MCC: variants seen among roughly 807,000 people sequenced by gnomAD.
MCC encodes MCC regulator of Wnt signaling pathway, also known as colorectal mutant cancer protein.
Under a neutral mutation model 116.2 loss-of-function variants are expected in MCC, and 90 were observed. That is an observed-to-expected ratio of 0.77 (90% CI 0.65 to 0.92). MCC has a LOEUF of 0.92. Ranked by LOEUF, MCC falls within the 40% of genes least tolerant of loss-of-function variation. The probability of loss-of-function intolerance (pLI) is 0.00; values close to 1 mark genes in which losing one functional copy is unlikely to be tolerated. For synonymous variants in MCC, 578 were observed against 510.5 expected, an observed-to-expected ratio of 1.13 and a Z score of -1.78; for missense variants, 1,516 against 1,312.2, an observed-to-expected ratio of 1.16 and a Z score of -2.40.
chr5:113,130,494 G>T (rs1470267311), intron 5 of MCC, among the ~76,000 whole-genome samples: 2 of 152,056 alleles, frequency 1.3e-5, no homozygotes, highest in African/African-American at 4.8e-5. Flanking sequence ...ATGAAAAAAA[G>T]GCAATATACC....
intron 2 of MCC, among the ~76,000 whole-genome samples, chr5:113,365,965 C>T (rs1472886131): frequency 6.6e-6 from 1 of 152,180 alleles, no homozygotes; most frequent in Non-Finnish European, 1.5e-5. Flanking sequence ...TCCCACCAGG[C>T]CCCACCTCCA....
chr5:113,052,597 A>T (rs1752556435), intron 15 of MCC, among the ~76,000 whole-genome samples: 1 of 152,194 alleles, frequency 6.6e-6, no homozygotes, highest in African/African-American at 2.4e-5. Context: ...TGAGGGTGTC[A>T]GGATGGCTGC....
At chr5:113,066,966 A>G (rs573653206) in intron 13 of MCC, among the ~76,000 whole-genome samples, 80 of 152,300 alleles carry the variant, frequency 5.3e-4, no homozygotes, top group African/African-American at 1.8e-3. Context: ...TTAGTTCTGC[A>G]TGGAGAGACG....
chr5:113,158,207 G>T (rs1227514204), intron 3 of MCC, among the ~76,000 whole-genome samples: 1 of 152,202 alleles, frequency 6.6e-6, no homozygotes, highest in Admixed American at 6.5e-5. Context: ...GGGTAAGGGG[G>T]GACTACTGTA....
intron 3 of MCC, among the ~76,000 whole-genome samples, chr5:113,191,876 T>C (rs1163813091): frequency 2.0e-5 from 3 of 152,188 alleles, no homozygotes; most frequent in African/African-American, 4.8e-5. Context: ...TGGGACAATG[T>C]TGGACTTTAA....
intron 3 of MCC, among the ~76,000 whole-genome samples, chr5:113,252,241 C>A (rs1317454871): frequency 1.3e-5 from 2 of 152,156 alleles, no homozygotes; most frequent in Admixed American, 6.5e-5. Context: ...GGTCCCCAGC[C>A]CCCGGGCCCA....
At chr5:113,364,577 A>C (rs1312963192) in intron 2 of MCC, among the ~76,000 whole-genome samples, 2 of 152,196 alleles carry the variant, frequency 1.3e-5, no homozygotes, top group East Asian at 3.9e-4. Flanking sequence ...GCTCCACTAG[A>C]CAGTGCCCCA....
At chr5:113,394,831 G>T (rs1472041142) in intron 1 of MCC, among the ~76,000 whole-genome samples, 1 of 152,136 alleles carries the variant, frequency 6.6e-6, no homozygotes, top group Non-Finnish European at 1.5e-5. Context: ...ACCAGAGGTT[G>T]GCAAGTAAGA....
At chr5:113,418,160 T>G (rs1019834629) in intron 1 of MCC, among the ~76,000 whole-genome samples, 1 of 152,006 alleles carries the variant, frequency 6.6e-6, no homozygotes, top group Admixed American at 6.6e-5. Context: ...AGGCTTCAGG[T>G]ATGATCTCAA....
intron 11 of MCC, among the ~76,000 whole-genome samples, chr5:113,073,820 G>A (rs1180506008): frequency 2.0e-5 from 3 of 152,226 alleles, no homozygotes; most frequent in East Asian, 1.9e-4. Flanking sequence ...AGGCCACAGC[G>A]AGGTTGGGGG....
rs1017853445 is a variant in MCC at position 113,400,874 on chromosome 5, T to C, written c.171-15662A>G. On this transcript the variant is annotated intron_variant, in intron 1 of 18. Transcript: ENST00000408903. Reference sequence around the variant, plus strand: ...TGAGCACTCAGTAAATCCTCACTAATTGAATATTCTAGCAATAATGGTCAG... The same window carrying C: ...TGAGCACTCAGTAAATCCTCACTAACTGAATATTCTAGCAATAATGGTCAG... Among the ~76,000 whole-genome samples, 24 of 152,296 alleles carry C rather than the reference T, an allele frequency of 1.6e-4. No individual in the cohort carries two copies. In the South Asian group the frequency reaches 2.3e-3, roughly 14 times the overall value.
intron 3 of MCC, among the ~76,000 whole-genome samples, chr5:113,188,881 A>T (rs1473433049): frequency 6.6e-6 from 1 of 152,224 alleles, no homozygotes; most frequent in African/African-American, 2.4e-5. Flanking sequence ...CTAACTACAA[A>T]AACAGAGCAA....
At chr5:113,201,396 A>AC (rs1414603729) in intron 3 of MCC, among the ~76,000 whole-genome samples, 1 of 151,188 alleles carries the variant, frequency 6.6e-6, no homozygotes, top group Non-Finnish European at 1.5e-5. Flanking sequence ...CCAAAAAAAA[A>AC]AAAAAAAAAC....
intron 2 of MCC, among the ~76,000 whole-genome samples, chr5:113,361,757 A>G (rs1379579905): frequency 6.6e-6 from 1 of 152,244 alleles, no homozygotes; most frequent in Non-Finnish European, 1.5e-5. Flanking sequence ...GACCAGATGG[A>G]ACAAAGAGAA....
intron 3 of MCC, among the ~76,000 whole-genome samples, chr5:113,201,776 C>G (rs1762690717): frequency 6.6e-6 from 1 of 152,104 alleles, no homozygotes; most frequent in African/African-American, 2.4e-5. Context: ...TGCCTTTCTC[C>G]TTAAAGGGGA....
intron 9 of MCC, 95 bp downstream of exon 9, chr5:113,085,069 G>A: frequency 1.9e-6 from 3 of 1,555,724 alleles, no homozygotes; most frequent in Non-Finnish European, 8.9e-7. Flanking sequence ...TGCTGTCTCA[G>A]CTAAGGGCAT....
At chr5:113,471,029 A>T (rs931997060) in intron 1 of MCC, among the ~76,000 whole-genome samples, 1 of 152,158 alleles carries the variant, frequency 6.6e-6, no homozygotes, top group Non-Finnish European at 1.5e-5. Flanking sequence ...TTTCAGCTCC[A>T]TCAGGTCTTT....
chr5:113,149,329 TC>T (rs1759711836), intron 4 of MCC, among the ~76,000 whole-genome samples: 1 of 152,134 alleles, frequency 6.6e-6, no homozygotes, highest in African/African-American at 2.4e-5. Flanking sequence ...TCCAGTTTTT[TC>T]TATCACTATT....
intron 11 of MCC, among the ~76,000 whole-genome samples, chr5:113,078,498 T>A (rs1754615939): frequency 6.6e-6 from 1 of 152,190 alleles, no homozygotes; most frequent in Non-Finnish European, 1.5e-5. Context: ...CAAGGCTGGT[T>A]CAACATATGC....
Sources: gnomAD v4.1 joint callset for allele counts (sites outside exome capture counted in the v4.1 genomes callset) on GRCh38, gnomAD v4.1.1 for gene constraint, MANE v1.5 for transcripts, NCBI Gene and HGNC (gene_info 2026-07-23, HGNC 2026-07-21) for gene names.